Variants in USP20 observed in about 807,000 individuals in gnomAD.
USP20 encodes the protein ubiquitin carboxyl-terminal hydrolase 20.
USP20 carries 80 observed loss-of-function variants against 124.2 expected under a neutral mutation model. The observed-to-expected ratio is 0.64, with a 90% confidence interval of 0.54 to 0.78. USP20 has a LOEUF of 0.78. Among genes scored for constraint, USP20 ranks in the 30% least tolerant of loss-of-function variants. USP20 has a pLI of 0.00. For missense variants in USP20, 1,043 were observed against 1,244.4 expected (o/e 0.84, Z 2.44); for synonymous variants, 481 against 512.3 (o/e 0.94, Z 0.83).
chr9:129,867,717 G>A (rs1368659282), intron 10 of USP20, among the ~76,000 whole-genome samples: 14 of 152,160 alleles, frequency 9.2e-5, no homozygotes, highest in South Asian at 6.2e-4. Flanking sequence ...ATTCAGAGCC[G>A]GAGCCGGGGA....
In USP20 at chr9:129,840,423, G is replaced by A. The variant is rs1221968387; in HGVS notation, c.-129+4924G>A. Among the ~76,000 whole-genome samples the A allele has an allele frequency of 2.0e-5, 3 of 152,130 alleles. No homozygotes were observed. In the South Asian group the frequency reaches 6.2e-4, roughly 32 times the overall value. ...AGGTCTGGAGGCTCAGTGGGTGCTG[G>A]GTCCTGGATCCTGCGATGGGGCTGC... is the stretch of plus-strand genomic sequence containing the variant. On this transcript the variant is annotated intron_variant, in intron 1 of 25. Transcript: ENST00000372429.
At chr9:129,865,081 T>A (rs2033757660) in intron 9 of USP20, among the ~76,000 whole-genome samples, 1 of 152,246 alleles carries the variant, frequency 6.6e-6, no homozygotes, top group South Asian at 2.1e-4. Flanking sequence ...TGATGCTATT[T>A]TATTTGAGCT....
At chr9:129,876,042 G>A in intron 21 of USP20, 88 bp from the exon 22 acceptor site, 5 of 1,217,090 alleles carry the variant, frequency 4.1e-6, no homozygotes, top group East Asian at 2.6e-5. Flanking sequence ...GGCACTGATG[G>A]CTTGAGGGGG....
rs1322376145 is a variant in USP20, at chr9:129,846,245, ATATTTTTTTTT to A, written c.-128-3566_-128-3556del. On this transcript the variant is annotated intron_variant, in intron 1 of 25. Coordinates refer to ENST00000372429, the MANE Select transcript of USP20 (RefSeq NM_001110303.4). The stretch of plus-strand genomic sequence containing the variant: ...CGCCCAGCCATATATATATATATAT[ATATTTTTTTTT>A]TTTTTTTTTTTTTTTTTGAGATAGG... 7.8e-4 allele frequency among the ~76,000 whole-genome samples: 34 copies of A among 43,378 alleles called. 1 individual carries two copies. The highest frequency in any genetic ancestry group is 4.5e-4 in the Admixed American group (1 of 2,208). The allele number at this position is 43,378 out of a possible 152,430, so 28.5% of individuals were successfully genotyped here. A position where few individuals can be genotyped will look rare whatever the true frequency, so the allele number is the denominator to read the frequency against.
Position 129,858,577 on chromosome 9 carries a change from C to T in USP20, c.309C>T (p.Ser103=), listed in dbSNP as rs200364798. ...EQRLAAPLLG[S]SSKFSEQDSP... ...GGCTGGCAGCCCCTCTGCTGGGCTC[C>T]TCTTCCAAGTTCTCTGAACAGGTAA... The change falls in exon 6 of 26, where the codon TCC becomes TCT. Residue 103 remains serine (S), a synonymous_variant. Coordinates refer to ENST00000372429, the MANE Select transcript of USP20 (RefSeq NM_001110303.4). The T allele has an allele frequency of 2.5e-6, 4 of 1,614,070 alleles. No homozygotes were observed. The highest frequency in any genetic ancestry group is 2.7e-5 in the African/African-American group (2 of 75,058).
intron 14 of USP20, chr9:129,870,132 G>A: frequency 1.8e-6 from 1 of 565,910 alleles, no homozygotes. Flanking sequence ...AGGCCTGGTT[G>A]GCGGGAAGGG....
rs148886512 is a variant in USP20, at chr9:129,853,065, G to C, written c.81+429G>C. ...TTGTGAAATGAAAATTTTTGAAAAG[G>C]TAATACTTGAACAGGGTTACAAATG... is the stretch of plus-strand genomic sequence containing the variant. On this transcript the variant is annotated intron_variant, in intron 3 of 25. Coordinates refer to ENST00000372429, the MANE Select transcript of USP20 (RefSeq NM_001110303.4). Among the ~76,000 whole-genome samples the C allele has an allele frequency of 2.2e-3, 331 of 152,208 alleles. 1 individual carries two copies. The highest frequency in any genetic ancestry group is 7.5e-3 in the African/African-American group (310 of 41,514).
chr9:129,863,479 A>G (rs2033656115), intron 9 of USP20, among the ~76,000 whole-genome samples, 180 bp downstream of exon 9: 1 of 152,342 alleles, frequency 6.6e-6, no homozygotes, highest in Admixed American at 6.5e-5. Context: ...TTTTACAAAT[A>G]GGGAAACTGA....
Position 129,873,410 on chromosome 9 carries a change from T to G in USP20, c.1661-72T>G, listed in dbSNP as rs866989965. ...GGTTTTATTTCTTAAGCAGAAATCA[T>G]TATAGTCACTTTTTTTTGCTCCCTC... On this transcript the variant is annotated intron_variant, in intron 15 of 25. Coordinates refer to ENST00000372429, the MANE Select transcript of USP20 (RefSeq NM_001110303.4). 10 of 1,566,818 alleles carry G rather than the reference T, an allele frequency of 6.4e-6. No individual in the cohort carries two copies. In the Middle Eastern group the frequency reaches 1.0e-3, roughly 158 times the overall value.
chr9:129,850,506 T>C (rs2032852192), intron 2 of USP20, among the ~76,000 whole-genome samples: 1 of 152,176 alleles, frequency 6.6e-6, no homozygotes, highest in Non-Finnish European at 1.5e-5. Context: ...TCATGAGTTT[T>C]AGTAACTCAC....
At position 129,879,708 on chromosome 9, in the gene USP20, A is replaced by G; in HGVS notation, c.2584+64A>G. 6.3e-7 allele frequency: 1 copy of G among 1,580,690 alleles called. No individual in the cohort carries two copies. The highest frequency in any genetic ancestry group is 1.7e-5 in the Admixed American group (1 of 59,572). On this transcript the variant is annotated intron_variant, in intron 24 of 25. Transcript: ENST00000372429. The surrounding 1 kb of genome is among the most constrained non-coding windows in gnomAD (Gnocchi z 4.2). ...CTTCCTGGCTGCCAGGCTGCTGCCC[A>G]GTCCCGTCCTTCCAGGAGCCCCCTT...
chr9:129,861,595 G>A lies in USP20; in HGVS notation c.480G>A (p.Leu160=). The A allele has an allele frequency of 6.2e-7, 1 of 1,614,112 alleles. No homozygotes were observed. Among genetic ancestry groups the A allele is most frequent in the Non-Finnish European group, 8.5e-7 (1 of 1,180,014 alleles). ...LGNSCYMNAA[L]QALSNCPPLT... ...ACTCCTGCTACATGAACGCTGCCCT[G>A]CAGGCCCTGTCCAATTGGTAGGTCG... Residue 160 remains leucine, a synonymous_variant, in exon 8 of 26, where the codon CTG becomes CTA. Coordinates refer to ENST00000372429, the MANE Select transcript of USP20 (RefSeq NM_001110303.4).
At position 129,869,821 on chromosome 9, in the gene USP20, C is replaced by T. The variant is rs1564216182; in HGVS notation, c.1542C>T (p.Ala514=). The change falls in exon 14 of 26, where the codon GCC becomes GCT. Residue 514 remains alanine (A), a synonymous_variant. Coordinates refer to ENST00000372429, the MANE Select transcript of USP20 (RefSeq NM_001110303.4). ...GDSYAAQGWL[A]FIVEYIRRFV... is the part of the protein sequence containing the mutation. ...GCTATGCCGCCCAGGGCTGGCTGGC[C>T]TTCATTGTGGAGTACATCCGACGGT... The T allele has an allele frequency of 1.2e-6, 2 of 1,613,906 alleles. No homozygotes were observed. Among genetic ancestry groups the T allele is most frequent in the East Asian group, 2.2e-5 (1 of 44,878 alleles).
chr9:129,870,790 C>G (rs1327318950), intron 15 of USP20, among the ~76,000 whole-genome samples: 1 of 152,200 alleles, frequency 6.6e-6, no homozygotes, highest in Non-Finnish European at 1.5e-5. Context: ...TTATTTTTAC[C>G]AATTTGGTGG....
At chr9:129,844,080 A>G (rs1296930743) in intron 1 of USP20, among the ~76,000 whole-genome samples, 1 of 152,134 alleles carries the variant, frequency 6.6e-6, no homozygotes, top group Non-Finnish European at 1.5e-5. Flanking sequence ...GCAAAACAAA[A>G]GATTCATATT....
intron 1 of USP20, among the ~76,000 whole-genome samples, chr9:129,845,378 C>G (rs1166879072): frequency 6.6e-6 from 1 of 152,136 alleles, no homozygotes; most frequent in Non-Finnish European, 1.5e-5. Flanking sequence ...ACTTGAAAAA[C>G]CATTAACAGT....
chr9:129,870,109 A>C lies in USP20; in HGVS notation c.1565+265A>C, dbSNP rs2034041628. ...CCACATGGCAGGTTGAAGGGAGGGC[A>C]GCAGCAGGACACAGGCCTGGTTGGC... On this transcript the variant is annotated intron_variant, in intron 14 of 25. Coordinates refer to ENST00000372429, the MANE Select transcript of USP20 (RefSeq NM_001110303.4). The C allele has an allele frequency of 3.8e-5, 22 of 576,034 alleles. No homozygotes were observed. The South Asian group carries it at 4.4e-4, about 12-fold the overall frequency. The allele number at this position is 576,034 out of a possible 1,614,324, so 35.7% of individuals were successfully genotyped here. A position where few individuals can be genotyped will look rare whatever the true frequency, so the allele number is the denominator to read the frequency against.
At chr9:129,850,472 G>A (rs1458567659) in intron 2 of USP20, among the ~76,000 whole-genome samples, 1 of 152,124 alleles carries the variant, frequency 6.6e-6, no homozygotes, top group Non-Finnish European at 1.5e-5. Context: ...TGCACAAAAA[G>A]CACTTGGTTT....
chr9:129,859,007 G>A (rs1437108904), intron 6 of USP20, among the ~76,000 whole-genome samples: 1 of 152,050 alleles, frequency 6.6e-6, no homozygotes, highest in Non-Finnish European at 1.5e-5. Context: ...GGAATTCCAG[G>A]TAGTTGCTAC....
Sources: gnomAD v4.1 joint callset for allele counts (sites outside exome capture counted in the v4.1 genomes callset) on GRCh38, gnomAD v4.1.1 for gene constraint, Gnocchi (gnomAD v3.1) non-coding constraint, MANE v1.5 for transcripts, NCBI Gene and HGNC (gene_info 2026-07-23, HGNC 2026-07-21) for gene names.